SLC25A48: variants seen among roughly 807,000 people sequenced by gnomAD.
The protein encoded by SLC25A48 is solute carrier family 25 member 48.
A neutral mutation model predicts 32.2 loss-of-function variants in SLC25A48; 29 were observed. The observed-to-expected ratio is 0.90, with a 90% CI of 0.67 to 1.23. The LOEUF is 1.23. Ranked by LOEUF, SLC25A48 falls within the 50% of genes most tolerant of loss-of-function variation. The pLI is 0.00. For synonymous variants in SLC25A48, 164 were observed against 172.3 expected, an observed-to-expected ratio of 0.95 and a Z score of 0.38; for missense variants, 399 against 422.7, an observed-to-expected ratio of 0.94 and a Z score of 0.49.
Position 135,873,468 on chromosome 5 carries a change from C to A in SLC25A48, c.680-553C>A, listed in dbSNP as rs533311713. 3.9e-5 allele frequency among the ~76,000 whole-genome samples: 6 copies of A among 152,274 alleles called. No individual in the cohort carries two copies. In the East Asian group the frequency reaches 1.2e-3, roughly 29 times the overall value. On this transcript the variant is annotated intron_variant, in intron 5 of 7. Transcript: ENST00000681962. ...GAGATTTTTCAAAAAGCTGTCCCTG[C>A]TCTCTTTTTGCAACCCCCAGGCTGG... is the stretch of plus-strand genomic sequence containing the variant.
chr5:135,622,012 A>G (rs1277601052), intron 1 of SLC25A48, among the ~76,000 whole-genome samples: 1 of 152,232 alleles, frequency 6.6e-6, no homozygotes, highest in African/African-American at 2.4e-5. Context: ...AGCATGATAG[A>G]AAAAAGGGCA....
chr5:135,632,213 G>T (rs550481106), intron 2 of SLC25A48, among the ~76,000 whole-genome samples: 5 of 152,354 alleles, frequency 3.3e-5, no homozygotes, highest in Non-Finnish European at 5.9e-5. Context: ...GCTTTGTCTT[G>T]AGGGCCATGG....
chr5:135,833,565 G>A (rs999158079), upstream of SLC25A48, among the ~76,000 whole-genome samples: 3 of 152,200 alleles, frequency 2.0e-5, no homozygotes, highest in South Asian at 6.2e-4. Flanking sequence ...GACTGAGTGG[G>A]TCACCATAAG....
At chr5:135,698,191 C>T (rs779491881) in intron 3 of SLC25A48, among the ~76,000 whole-genome samples, 9 of 152,246 alleles carry the variant, frequency 5.9e-5, no homozygotes, top group Non-Finnish European at 1.3e-4. Context: ...GTGCTGTCTC[C>T]TAATGGTCAC....
At chr5:135,705,822 G>A (rs753804077) in intron 3 of SLC25A48, among the ~76,000 whole-genome samples, 6 of 152,182 alleles carry the variant, frequency 3.9e-5, no homozygotes, top group Admixed American at 6.5e-5. Context: ...CCTTCCCAGG[G>A]TATCGGGGAT....
chr5:135,875,941 A>G (rs1392137994), intron 6 of SLC25A48: 1 of 152,196 alleles, frequency 6.6e-6, no homozygotes, highest in Non-Finnish European at 1.5e-5. Flanking sequence ...CCTGGTTAGT[A>G]TAAGAAGATG....
rs552312184 is a variant in SLC25A48, at chr5:135,688,699, C to T, written c.-521+53743C>T. On this transcript the variant is annotated intron_variant, in intron 3 of 10. Transcript: ENST00000646290. The stretch of plus-strand genomic sequence containing the variant: ...CAATGGGATTCAGTGGAAAAGCAGG[C>T]CCTGAAGGCTGGGTTGGGCATGAGT... Among the ~76,000 whole-genome samples the T allele has an allele frequency of 2.0e-5, 3 of 152,308 alleles. No homozygotes were observed. In the East Asian group the frequency reaches 5.8e-4, roughly 29 times the overall value.
chr5:135,816,882 A>T (rs1364284594), intron 4 of SLC25A48, among the ~76,000 whole-genome samples: 2 of 152,220 alleles, frequency 1.3e-5, no homozygotes, highest in African/African-American at 4.8e-5. Context: ...GTAACATTGT[A>T]TTTGACAATT....
intron 1 of SLC25A48, among the ~76,000 whole-genome samples, chr5:135,614,255 A>G (rs987547731): frequency 6.6e-6 from 1 of 152,166 alleles, no homozygotes; most frequent in East Asian, 1.9e-4. Flanking sequence ...TTGAAACACT[A>G]CTGATTTTTG....
chr5:135,765,380 T>C (rs756770468), intron 3 of SLC25A48, among the ~76,000 whole-genome samples: 1 of 151,376 alleles, frequency 6.6e-6, no homozygotes, highest in Non-Finnish European at 1.5e-5. Context: ...CTACTCTTCA[T>C]ATCGCTGGTG....
At chr5:135,758,815 AAC>A (rs1173377209) in intron 3 of SLC25A48, among the ~76,000 whole-genome samples, 4 of 150,762 alleles carry the variant, frequency 2.7e-5, no homozygotes, top group African/African-American at 9.7e-5. Context: ...ATCTAGTGTT[AAC>A]ACACTATGAT....
chr5:135,882,741 C>T (rs1276087611), intron 7 of SLC25A48, among the ~76,000 whole-genome samples: 2 of 152,156 alleles, frequency 1.3e-5, no homozygotes, highest in Non-Finnish European at 2.9e-5. Context: ...CTCTGCCATC[C>T]CTACCTGTCC....
At chr5:135,803,097 G>C (rs1249114934) in intron 3 of SLC25A48, 1 of 151,264 alleles carries the variant, frequency 6.6e-6, no homozygotes, top group Admixed American at 6.6e-5. Context: ...ATCCTATGGA[G>C]GTATTACTCT....
chr5:135,785,678 A>G (rs769463097), intron 3 of SLC25A48, among the ~76,000 whole-genome samples: 40 of 148,490 alleles, frequency 2.7e-4, no homozygotes, highest in Non-Finnish European at 5.4e-4. Flanking sequence ...GGGGGGTGGA[A>G]CACCCCTTGC....
At chr5:135,861,576 A>G (rs886578684) in intron 4 of SLC25A48, among the ~76,000 whole-genome samples, 1 of 152,252 alleles carries the variant, frequency 6.6e-6, no homozygotes, top group Non-Finnish European at 1.5e-5. Flanking sequence ...AGAAAATGTG[A>G]AATAAATGTT....
At chr5:135,884,124 A>G (rs939872730) in intron 7 of SLC25A48, among the ~76,000 whole-genome samples, 4 of 152,092 alleles carry the variant, frequency 2.6e-5, no homozygotes, top group Admixed American at 6.5e-5. Context: ...AATGTCCTCA[A>G]ATTTGTTCTT....
chr5:135,622,184 A>G (rs1469027816), intron 1 of SLC25A48, among the ~76,000 whole-genome samples: 2 of 152,230 alleles, frequency 1.3e-5, no homozygotes, highest in African/African-American at 2.4e-5. Flanking sequence ...AGATCCAGTG[A>G]TACTGAGGAC....
chr5:135,658,505 A>G (rs1040339120), intron 3 of SLC25A48, among the ~76,000 whole-genome samples: 8 of 152,078 alleles, frequency 5.3e-5, no homozygotes, highest in African/African-American at 1.9e-4. Context: ...TCATGGTGCA[A>G]GCTATTGGTG....
At chr5:135,728,434 G>C (rs910252352) in intron 3 of SLC25A48, among the ~76,000 whole-genome samples, 1 of 152,110 alleles carries the variant, frequency 6.6e-6, no homozygotes, top group Non-Finnish European at 1.5e-5. Flanking sequence ...TGAATATGAT[G>C]ACCCTTTTTC....
Sources: allele counts gnomAD v4.1 joint callset (sites outside exome capture counted in the v4.1 genomes callset), GRCh38; gene constraint gnomAD v4.1.1; transcripts MANE v1.5; gene names NCBI Gene and HGNC (gene_info 2026-07-23, HGNC 2026-07-21).